The following MACO1 variants were observed in gnomAD, a reference collection of about 807,000 sequenced individuals.
MACO1 encodes macoilin 1, also known as macoilin.
Under a neutral mutation model 78.7 loss-of-function variants are expected in MACO1, and 14 were observed. The observed-to-expected ratio is 0.18, with a 90% CI of 0.12 to 0.28. The LOEUF is 0.28. MACO1 is among the 10% of genes least tolerant of loss of function. MACO1 has a pLI of 1.00. For missense variants in MACO1, 501 were observed against 799.0 expected (o/e 0.63, Z 4.50); for synonymous variants, 288 against 291.6 (o/e 0.99, Z 0.12).
intron 2 of MACO1, among the ~76,000 whole-genome samples, chr1:25,447,432 A>T (rs1025364279): frequency 6.6e-6 from 1 of 152,252 alleles, no homozygotes; most frequent in African/African-American, 2.4e-5. Context: ...AGAAAAATTT[A>T]AAATACACAC....
intron 4 of MACO1, among the ~76,000 whole-genome samples, chr1:25,454,919 C>T (rs889180574): frequency 1.3e-5 from 2 of 152,144 alleles, no homozygotes; most frequent in Non-Finnish European, 2.9e-5. Context: ...CCCCCCTTTT[C>T]AGGCAGATGA....
chr1:25,464,509 TA>T (rs1322783085), intron 6 of MACO1, among the ~76,000 whole-genome samples: 1 of 151,838 alleles, frequency 6.6e-6, no homozygotes, highest in Non-Finnish European at 1.5e-5. Context: ...CACACTCGGC[TA>T]ATTTTTGTAT....
chr1:25,497,830 C>T (rs996327795), intron 10 of MACO1, among the ~76,000 whole-genome samples: 5 of 152,186 alleles, frequency 3.3e-5, no homozygotes, highest in Admixed American at 1.3e-4. Flanking sequence ...AGTTCAAAAT[C>T]GCCAGCCCTC....
At chr1:25,442,547 G>T (rs575722849) in intron 1 of MACO1, among the ~76,000 whole-genome samples, 1 of 152,202 alleles carries the variant, frequency 6.6e-6, no homozygotes, top group Non-Finnish European at 1.5e-5. Flanking sequence ...TGATCTAGAT[G>T]ATAAGCAGCT....
At chr1:25,435,654 T>C (rs898870256) in intron 1 of MACO1, among the ~76,000 whole-genome samples, 1 of 152,218 alleles carries the variant, frequency 6.6e-6, no homozygotes, top group Non-Finnish European at 1.5e-5. Flanking sequence ...AAACCCCAGA[T>C]ACCTGTGTTG....
chr1:25,496,187 G>A (rs964884162), intron 10 of MACO1, among the ~76,000 whole-genome samples: 8 of 143,360 alleles, frequency 5.6e-5, no homozygotes, highest in East Asian at 2.0e-4. Context: ...GGTCTCTGTC[G>A]CCCAGGCTGG....
intron 8 of MACO1, among the ~76,000 whole-genome samples, chr1:25,487,737 A>G (rs530922965): frequency 6.6e-6 from 1 of 152,050 alleles, no homozygotes; most frequent in East Asian, 1.9e-4. Flanking sequence ...TGGGGGGAAA[A>G]TTTTTTTCTA....
chr1:25,486,542 A>G (rs1046029102), intron 8 of MACO1, among the ~76,000 whole-genome samples: 14 of 152,144 alleles, frequency 9.2e-5, no homozygotes, highest in Admixed American at 8.5e-4. Flanking sequence ...AGCGAGGGTA[A>G]ATTATTATTT....
chr1:25,434,177 T>C (rs1215538188), intron 1 of MACO1, among the ~76,000 whole-genome samples: 1 of 152,228 alleles, frequency 6.6e-6, no homozygotes, highest in Non-Finnish European at 1.5e-5. Flanking sequence ...AAACATCATT[T>C]GAAAAGTGAA....
intron 6 of MACO1, among the ~76,000 whole-genome samples, chr1:25,478,373 A>G (rs891894745): frequency 5.3e-5 from 8 of 152,246 alleles, no homozygotes; most frequent in Admixed American, 3.3e-4. Flanking sequence ...CCTTTGGTCA[A>G]TTAGCAGATT....
intron 6 of MACO1, among the ~76,000 whole-genome samples, chr1:25,459,632 G>A (rs545802509): frequency 2.0e-5 from 3 of 151,794 alleles, no homozygotes; most frequent in African/African-American, 7.2e-5. Flanking sequence ...TTGCCGCCAC[G>A]CCAGGCTAAT....
intron 10 of MACO1, among the ~76,000 whole-genome samples, chr1:25,492,411 GGTA>G (rs1440391999): frequency 6.6e-6 from 1 of 152,110 alleles, no homozygotes; most frequent in Non-Finnish European, 1.5e-5. Flanking sequence ...CCCTTGAGTA[GGTA>G]GTATTTGAGC....
In MACO1 at chr1:25,498,324, T is replaced by C. The variant is rs1279080744; in HGVS notation, c.1853T>C (p.Met618Thr). The C allele has an allele frequency of 6.2e-7, 1 of 1,614,204 alleles. No homozygotes were observed. The highest frequency in any genetic ancestry group is 1.7e-5 in the Admixed American group (1 of 60,030). The change falls in exon 11 of 11, where the codon ATG becomes ACG. Residue 618 changes from methionine (M) to threonine (T), a missense_variant. Around this residue, in one of 5 missense-constraint regions of MACO1, gnomAD observed 66 missense variants for 101.6 expected, o/e 0.65. Transcript: ENST00000374343. Reference sequence around the variant, plus strand: ...CTAAAACAGAAGATAGCCGAAGTCATGGCCGTCATGCCCAGCATAACATAC... The same window carrying C: ...CTAAAACAGAAGATAGCCGAAGTCACGGCCGTCATGCCCAGCATAACATAC... The part of the protein sequence containing the change: ...KDLKQKIAEV[M>T]AVMPSITYSA...
intron 3 of MACO1, among the ~76,000 whole-genome samples, chr1:25,452,698 G>GTT (rs1161208655): frequency 9.0e-5 from 12 of 133,946 alleles, no homozygotes; most frequent in Non-Finnish European, 9.7e-5. Flanking sequence ...ACGGTGAATT[G>GTT]TTTTTTTTTT....
At chr1:25,444,359 C>G (rs1449555882) in intron 1 of MACO1, among the ~76,000 whole-genome samples, 1 of 146,566 alleles carries the variant, frequency 6.8e-6, no homozygotes, top group Admixed American at 6.8e-5. Flanking sequence ...CTCAGCCTCC[C>G]AAATAGCTGG....
chr1:25,446,943 T>G, intron 2 of MACO1, 40 bp downstream of exon 2: 1 of 1,595,152 alleles, frequency 6.3e-7, no homozygotes, highest in Non-Finnish European at 8.5e-7. Flanking sequence ...GTGGGGACCA[T>G]TCAGCTGTTT....
chr1:25,445,029 G>A lies in MACO1; in HGVS notation c.81-1733G>A, dbSNP rs565643357. 2.5e-3 allele frequency among the ~76,000 whole-genome samples: 378 copies of A among 150,720 alleles called. 1 individual carries two copies. Among genetic ancestry groups the A allele is most frequent in the Non-Finnish European group, 3.7e-3 (254 of 67,814 alleles). On this transcript the variant is annotated intron_variant, in intron 1 of 10. Transcript: ENST00000374343. ...ACTTAGGATTCAAGACTGTGTTCTG[G>A]CCAGGCACATACCTGAAATCCCAAC...
chr1:25,446,705 T>C lies in MACO1; in HGVS notation c.81-57T>C, dbSNP rs1421736534. On this transcript the variant is annotated intron_variant, in intron 1 of 10. Coordinates refer to ENST00000374343, the MANE Select transcript of MACO1 (RefSeq NM_018202.6). The stretch of plus-strand genomic sequence containing the variant: ...TTTTAAACAGAAACAGTGAATTTTC[T>C]ATTTCTAGTTATTCACAAATGACCT... 4.7e-6 allele frequency: 7 copies of C among 1,482,524 alleles called. No homozygotes were observed. The Admixed American group carries it at 1.2e-4, about 24-fold the overall frequency. 91.8% of individuals were successfully genotyped at this position (1,482,524 alleles called of 1,614,324 possible). A position where few individuals can be genotyped will look rare whatever the true frequency, so the allele number is the denominator to read the frequency against.
intron 6 of MACO1, among the ~76,000 whole-genome samples, chr1:25,480,835 G>A (rs746380704): frequency 4.0e-5 from 6 of 149,470 alleles, no homozygotes; most frequent in Non-Finnish European, 5.9e-5. Flanking sequence ...GGAGGCTGAG[G>A]CAGGAGAATT....
Sources: gnomAD v4.1 joint callset for allele counts (sites outside exome capture counted in the v4.1 genomes callset) on GRCh38, gnomAD v4.1.1 for gene constraint, gnomAD v4.1.1 regional missense constraint, MANE v1.5 for transcripts, NCBI Gene and HGNC (gene_info 2026-07-23, HGNC 2026-07-21) for gene names.